The following MACROD2 variants were observed in gnomAD, a reference collection of about 807,000 sequenced individuals.
The protein encoded by MACROD2 is mono-ADP ribosylhydrolase 2, also known as ADP-ribose glycohydrolase MACROD2.
In MACROD2, 36 loss-of-function variants were observed where a neutral mutation model predicts 70.4. The ratio of observed to expected loss-of-function variants is 0.51; its 90% CI spans 0.39 to 0.68. The LOEUF (loss-of-function observed/expected upper bound fraction) is 0.68, where lower values mean the gene tolerates loss of function less well. Ranked by LOEUF, MACROD2 falls within the 30% of genes least tolerant of loss-of-function variation. The pLI is 0.00. For missense variants in MACROD2, 496 were observed against 538.4 expected, an observed-to-expected ratio of 0.92 and a Z score of 0.78; for synonymous variants, 172 against 178.8, an observed-to-expected ratio of 0.96 and a Z score of 0.30.
At chr20:14,912,170 G>C (rs998370456) in intron 5 of MACROD2, among the ~76,000 whole-genome samples, 24 of 152,252 alleles carry the variant, frequency 1.6e-4, no homozygotes, top group African/African-American at 5.5e-4. Context: ...TTGTCTGTCT[G>C]TCTTAAGAAG....
intron 8 of MACROD2, among the ~76,000 whole-genome samples, chr20:15,792,475 TAGTA>T (rs1284129987): frequency 6.6e-6 from 1 of 152,054 alleles, no homozygotes; most frequent in Non-Finnish European, 1.5e-5. Flanking sequence ...TTATACAAAT[TAGTA>T]AGGAAAAAAT....
At chr20:14,786,259 A>G (rs2072372933) in intron 5 of MACROD2, among the ~76,000 whole-genome samples, 1 of 147,968 alleles carries the variant, frequency 6.8e-6, no homozygotes, top group East Asian at 2.0e-4. Flanking sequence ...GAGGCCTGAC[A>G]TTTTCTTGAG....
intron 2 of MACROD2, among the ~76,000 whole-genome samples, chr20:14,076,392 T>C (rs1328905403): frequency 6.6e-6 from 1 of 152,138 alleles, no homozygotes; most frequent in Non-Finnish European, 1.5e-5. Context: ...AGATCACACC[T>C]GTAATCCCAG....
chr20:14,667,839 T>TTAG (rs766473156), intron 4 of MACROD2, among the ~76,000 whole-genome samples: 5 of 152,074 alleles, frequency 3.3e-5, no homozygotes, highest in Non-Finnish European at 7.4e-5. Context: ...TTTTAAATTT[T>TTAG]TAGTGGGTGA....
At chr20:14,857,744 A>T (rs1010028061) in intron 5 of MACROD2, among the ~76,000 whole-genome samples, 6 of 152,184 alleles carry the variant, frequency 3.9e-5, no homozygotes. Context: ...ATAAAATTAA[A>T]CATTAATAAT....
chr20:14,907,462 C>T (rs766292947), intron 5 of MACROD2, among the ~76,000 whole-genome samples: 2 of 152,156 alleles, frequency 1.3e-5, no homozygotes, highest in Non-Finnish European at 2.9e-5. Context: ...TGCACTGTGT[C>T]AGTAAGTGAT....
chr20:15,569,587 T>A (rs1057147213), intron 8 of MACROD2, among the ~76,000 whole-genome samples: 4 of 152,240 alleles, frequency 2.6e-5, no homozygotes, highest in African/African-American at 9.6e-5. Context: ...TTCTACGCTC[T>A]GCTGCGATGA....
chr20:14,562,114 A>T (rs1979474484), intron 4 of MACROD2, among the ~76,000 whole-genome samples: 1 of 151,868 alleles, frequency 6.6e-6, no homozygotes, highest in Non-Finnish European at 1.5e-5. Context: ...AGGCGTAATG[A>T]TTGGATAGAC....
intron 3 of MACROD2, among the ~76,000 whole-genome samples, chr20:14,134,801 C>CAAAAAAAAAAAAAAA (rs5840594): frequency 1.0e-5 from 1 of 98,346 alleles, no homozygotes. Flanking sequence ...GACTCCGTGT[C>CAAAAAAAAAAAAAAA]AAAAAAAAAA....
intron 5 of MACROD2, among the ~76,000 whole-genome samples, chr20:14,769,132 A>G (rs1419647975): frequency 6.6e-6 from 1 of 152,020 alleles, no homozygotes; most frequent in Non-Finnish European, 1.5e-5. Flanking sequence ...GTTTTCCCCC[A>G]TCGGAAAGCT....
intron 5 of MACROD2, among the ~76,000 whole-genome samples, chr20:14,739,744 A>C (rs2071710860): frequency 6.6e-6 from 1 of 152,088 alleles, no homozygotes; most frequent in South Asian, 2.1e-4. Context: ...AGCTATATAC[A>C]TTACACTGTT....
At chr20:15,594,204 C>A (rs996445792) in intron 8 of MACROD2, among the ~76,000 whole-genome samples, 1 of 152,120 alleles carries the variant, frequency 6.6e-6, no homozygotes, top group Non-Finnish European at 1.5e-5. Flanking sequence ...TGCACTAAAT[C>A]TCATCCTTTT....
chr20:15,706,753 A>C lies in MACROD2; in HGVS notation c.646-155992A>C, dbSNP rs560194039. Among the ~76,000 whole-genome samples the C allele has an allele frequency of 2.0e-5, 3 of 152,360 alleles. No individual in the cohort carries two copies. In the South Asian group the frequency reaches 6.2e-4, roughly 32 times the overall value. On this transcript the variant is annotated intron_variant, in intron 8 of 17. Transcript: ENST00000684519. ...TTTAACAATCCAGTCCTTCATGTCA[A>C]TCAAAAGCTTCTTTATCACCATCAT...
intron 3 of MACROD2, among the ~76,000 whole-genome samples, chr20:14,327,716 A>G (rs1029204510): frequency 1.3e-5 from 2 of 152,166 alleles, no homozygotes; most frequent in Non-Finnish European, 2.9e-5. Context: ...CTAGCTAACA[A>G]TAGACACTGT....
chr20:15,837,496 A>G (rs962524911), intron 8 of MACROD2, among the ~76,000 whole-genome samples: 4 of 152,088 alleles, frequency 2.6e-5, no homozygotes, highest in Non-Finnish European at 5.9e-5. Flanking sequence ...CTGTGTCCTC[A>G]GTAGCAGACA....
chr20:15,720,149 A>C (rs995419448), intron 8 of MACROD2, among the ~76,000 whole-genome samples: 2 of 152,222 alleles, frequency 1.3e-5, no homozygotes, highest in African/African-American at 4.8e-5. Context: ...TTATAGCCAA[A>C]TAGTATTCTA....
intron 6 of MACROD2, among the ~76,000 whole-genome samples, chr20:15,253,987 G>A (rs1025507758): frequency 1.3e-5 from 2 of 152,126 alleles, no homozygotes; most frequent in African/African-American, 2.4e-5. Flanking sequence ...CCCCCATCCT[G>A]TATCACCTAC....
chr20:14,647,278 C>T (rs953297800), intron 4 of MACROD2, among the ~76,000 whole-genome samples: 35 of 152,160 alleles, frequency 2.3e-4, no homozygotes, highest in African/African-American at 7.7e-4. Context: ...AGGATTTAGA[C>T]GAAGCTACCC....
chr20:14,641,003 G>A (rs553464798), intron 4 of MACROD2, among the ~76,000 whole-genome samples: 54 of 152,186 alleles, frequency 3.5e-4, no homozygotes, highest in Non-Finnish European at 5.6e-4. Context: ...TCTGTAGCAT[G>A]CAATGTTGTT....
Sources: gnomAD v4.1 joint callset for allele counts (sites outside exome capture counted in the v4.1 genomes callset) on GRCh38, gnomAD v4.1.1 for gene constraint, MANE v1.5 for transcripts, NCBI Gene and HGNC (gene_info 2026-07-23, HGNC 2026-07-21) for gene names.